The following TTLL11 variants were observed in gnomAD, a reference collection of about 807,000 sequenced individuals.
TTLL11 encodes tubulin tyrosine ligase like 11, also known as tubulin polyglutamylase TTLL11.
TTLL11 carries 42 observed loss-of-function variants against 51.7 expected under a neutral mutation model. The ratio of observed to expected loss-of-function variants is 0.81; its 90% CI spans 0.64 to 1.05. The LOEUF is 1.05. Ranked by LOEUF, TTLL11 falls within the 50% of genes least tolerant of loss-of-function variation. TTLL11 has a pLI of 0.00. For synonymous variants in TTLL11, 381 were observed against 383.5 expected (o/e 0.99, Z 0.08); for missense variants, 799 against 940.4 (o/e 0.85, Z 1.97).
intron 1 of TTLL11, among the ~76,000 whole-genome samples, chr9:122,053,678 T>C (rs775009420): frequency 6.6e-6 from 1 of 152,004 alleles, no homozygotes; most frequent in Non-Finnish European, 1.5e-5. Flanking sequence ...GAAAAAAGTA[T>C]GCGCAGGGAG....
At chr9:121,939,921 A>C (rs1012552105) in intron 6 of TTLL11, among the ~76,000 whole-genome samples, 1 of 152,152 alleles carries the variant, frequency 6.6e-6, no homozygotes, top group Non-Finnish European at 1.5e-5. Context: ...CAGAAGGCAG[A>C]GGGGAGCAGG....
chr9:121,989,256 T>C lies in TTLL11; in HGVS notation c.1208A>G (p.Glu403Gly), dbSNP rs139419713. 1 of 1,614,120 alleles carries C rather than the reference T, an allele frequency of 6.2e-7. No homozygotes were observed. The highest frequency in any genetic ancestry group is 2.2e-5 in the East Asian group (1 of 44,878). The change falls in exon 4 of 9, where the codon GAG (glutamate) becomes GGG (glycine). Residue 403 changes from glutamate (E) to glycine (G), a missense_variant. This residue lies in a region of TTLL11 where 468 missense variants were observed against 612.8 expected (regional missense o/e 0.76). Transcript: ENST00000321582. The surrounding 1 kb of genome is among the most constrained non-coding windows in gnomAD (Gnocchi z 4.2). ...VIKTVIALTP[E>G]LKVFYQSDIP... ...GTCTGACTGGTAGAAGACTTTGAGC[T>C]CTGGAGTCAGCGCGATGACCGTCTT...
In TTLL11 at chr9:121,974,883, C is replaced by T. The variant is rs773856554; in HGVS notation, c.1365+1G>A. Reference sequence around the variant, plus strand: ...GTCAATGAGATGCTCAAAATACTTACTTCGTGCTCATGTTCGATTCTCATA... The same window carrying T: ...GTCAATGAGATGCTCAAAATACTTATTTCGTGCTCATGTTCGATTCTCATA... On this transcript the variant is annotated splice_donor_variant, in intron 5 of 8. Transcript: ENST00000321582. LOFTEE classifies it high-confidence loss of function. 3 of 1,541,110 alleles carry T rather than the reference C, an allele frequency of 1.9e-6. No homozygotes were observed. In the East Asian group the frequency reaches 7.4e-5, roughly 38 times the overall value.
intron 6 of TTLL11, among the ~76,000 whole-genome samples, chr9:121,927,318 A>G (rs1276411776): frequency 1.3e-5 from 2 of 152,256 alleles, no homozygotes; most frequent in Admixed American, 1.3e-4. Flanking sequence ...AGATAGATGG[A>G]TAGAGAAGTA....
intron 6 of TTLL11, among the ~76,000 whole-genome samples, chr9:121,910,057 A>G (rs73664716): frequency 0.025 from 3,825 of 152,312 alleles, 167 homozygotes; most frequent in African/African-American, 0.084. Flanking sequence ...GGCAGAAATT[A>G]TAATTTCAAA....
Position 121,822,404 on chromosome 9 carries a change from A to T in TTLL11, c.*183T>A. ...GTATCACCAGGAGGTGTGAGGAGGA[A>T]GGCAGGTGAGAACCAGCCAGCCTGG... On this transcript the variant is annotated 3_prime_UTR_variant, in exon 9 of 9. Coordinates refer to ENST00000321582, the MANE Select transcript of TTLL11 (RefSeq NM_001139442.2). This position sits in a 1 kb window ranked among gnomAD's most constrained non-coding sequence, Gnocchi z 5.8. 1 of 486,416 alleles carries T rather than the reference A, an allele frequency of 2.1e-6. No homozygotes were observed. The highest frequency in any genetic ancestry group is 3.6e-6 in the Non-Finnish European group (1 of 280,474). The allele number at this position is 486,416 out of a possible 1,614,324, so 30.1% of individuals were successfully genotyped here.
At position 121,821,474 on chromosome 9, in the gene TTLL11, A is replaced by G. The variant is rs1321850809; in HGVS notation, c.*1113T>C. Among the ~76,000 whole-genome samples, 1 of 151,902 alleles carries G rather than the reference A, an allele frequency of 6.6e-6. No homozygotes were observed. The highest frequency in any genetic ancestry group is 2.4e-5 in the African/African-American group (1 of 41,338). On this transcript the variant is annotated 3_prime_UTR_variant, in exon 9 of 9. Coordinates refer to ENST00000321582, the MANE Select transcript of TTLL11 (RefSeq NM_001139442.2). This position sits in a 1 kb window ranked among gnomAD's most constrained non-coding sequence, Gnocchi z 5.0. Reference sequence around the variant, plus strand: ...AAGGGCCACATTAACCCCAAATCCAACCACACTCTGGAGAGCTTGGCTTTG... The same window carrying G: ...AAGGGCCACATTAACCCCAAATCCAGCCACACTCTGGAGAGCTTGGCTTTG...
Position 121,822,644 on chromosome 9 carries a change from G to C in TTLL11, c.2076C>G (p.Pro692=). Reference sequence around the variant, plus strand: ...TATTGGCACAGCTGGTGCGGGGTGGGGGGTTGTCCCCTGCTGGCTGGGCCG... The same window carrying C: ...TATTGGCACAGCTGGTGCGGGGTGGCGGGTTGTCCCCTGCTGGCTGGGCCG... ...SPSAQPAGDN[P]PPRTSCANKL... is the part of the protein sequence containing the mutation. Residue 692 remains proline (P), a synonymous_variant, in exon 9 of 9, where the codon CCC becomes CCG. Coordinates refer to ENST00000321582, the MANE Select transcript of TTLL11 (RefSeq NM_001139442.2). The surrounding 1 kb of genome is among the most constrained non-coding windows in gnomAD (Gnocchi z 5.8). 6.6e-7 allele frequency: 1 copy of C among 1,517,772 alleles called. No homozygotes were observed. The highest frequency in any genetic ancestry group is 8.8e-7 in the Non-Finnish European group (1 of 1,131,690). The allele number at this position is 1,517,772 out of a possible 1,614,324, so 94.0% of individuals were successfully genotyped here. A position where few individuals can be genotyped will look rare whatever the true frequency, so the allele number is the denominator to read the frequency against.
At chr9:122,073,800 C>T (rs368461838) in intron 1 of TTLL11, among the ~76,000 whole-genome samples, 44 of 152,342 alleles carry the variant, frequency 2.9e-4, no homozygotes, top group African/African-American at 1.0e-3. Context: ...CTCATTCACA[C>T]AAGCCTTTCT....
intron 1 of TTLL11, among the ~76,000 whole-genome samples, chr9:122,087,441 G>T (rs1216794123): frequency 6.6e-6 from 1 of 152,172 alleles, no homozygotes; most frequent in East Asian, 1.9e-4. Flanking sequence ...AATATAGTAA[G>T]TGTATACTTG....
intron 6 of TTLL11, among the ~76,000 whole-genome samples, chr9:121,930,812 T>C (rs960888362): frequency 1.3e-5 from 2 of 152,250 alleles, no homozygotes; most frequent in Non-Finnish European, 2.9e-5. Flanking sequence ...TGTGAGGATA[T>C]GTGTTTTAAT....
intron 3 of TTLL11, among the ~76,000 whole-genome samples, chr9:122,019,726 C>T (rs1483596235): frequency 6.6e-6 from 1 of 152,184 alleles, no homozygotes; most frequent in Non-Finnish European, 1.5e-5. Flanking sequence ...GCTGGGATTA[C>T]AGGCATGATA....
At chr9:121,918,029 A>T (rs1373114251) in intron 6 of TTLL11, among the ~76,000 whole-genome samples, 1 of 151,850 alleles carries the variant, frequency 6.6e-6, no homozygotes, top group African/African-American at 2.4e-5. Context: ...CAGCCCTGTG[A>T]GCCTTGCAAA....
chr9:121,979,675 C>T (rs368241897), intron 4 of TTLL11, among the ~76,000 whole-genome samples: 1 of 152,198 alleles, frequency 6.6e-6, no homozygotes, highest in East Asian at 1.9e-4. Flanking sequence ...CAAACTTGCT[C>T]CTCTAATTCA....
intron 6 of TTLL11, among the ~76,000 whole-genome samples, chr9:121,873,348 CTCTT>C (rs1719582517): frequency 6.6e-6 from 1 of 150,456 alleles, no homozygotes; most frequent in African/African-American, 2.4e-5. Context: ...TGATCCACTG[CTCTT>C]TCTATTTTAC....
chr9:121,899,353 GTA>G lies in TTLL11; in HGVS notation c.1482-28607_1482-28606del, dbSNP rs1554766901. Among the ~76,000 whole-genome samples, 561 of 88,994 alleles carry G rather than the reference GTA, an allele frequency of 6.3e-3. 6 individuals carry two copies. Among genetic ancestry groups the G allele is most frequent in the African/African-American group, 0.017 (468 of 27,660 alleles). The allele number at this position is 88,994 out of a possible 152,430, so 58.4% of individuals were successfully genotyped here. On this transcript the variant is annotated intron_variant, in intron 6 of 8. Coordinates refer to ENST00000321582, the MANE Select transcript of TTLL11 (RefSeq NM_001139442.2). ...CTATTAATTCACTCTGTGTGTGTGTGTATGTGTGTGTGTATATATATATACAT... is the reference window on the plus strand; with the variant it reads ...CTATTAATTCACTCTGTGTGTGTGTGTGTGTGTGTGTATATATATATACAT...
intron 8 of TTLL11, among the ~76,000 whole-genome samples, chr9:121,859,896 G>A (rs781398147): frequency 2.0e-5 from 3 of 152,124 alleles, no homozygotes; most frequent in African/African-American, 7.2e-5. Context: ...CTGAGTTCCC[G>A]GATAGCTTCT....
rs112086742 is a variant in TTLL11, at chr9:122,036,458, G to C, written c.559+2814C>G. Among the ~76,000 whole-genome samples, 56 of 151,728 alleles carry C rather than the reference G, an allele frequency of 3.7e-4. 1 individual carries two copies. The highest frequency in any genetic ancestry group is 1.3e-3 in the African/African-American group (55 of 41,452). ...CATGTCTGATTTAGATACGTCTAAAGAAAGTAGACATATCTAATAATCTAC... is the reference window on the plus strand; with the variant it reads ...CATGTCTGATTTAGATACGTCTAAACAAAGTAGACATATCTAATAATCTAC... On this transcript the variant is annotated intron_variant, in intron 2 of 8. Coordinates refer to ENST00000321582, the MANE Select transcript of TTLL11 (RefSeq NM_001139442.2).
At chr9:122,055,629 T>C (rs1411965043) in intron 1 of TTLL11, among the ~76,000 whole-genome samples, 2 of 152,164 alleles carry the variant, frequency 1.3e-5, no homozygotes, top group East Asian at 1.9e-4. Context: ...GTATTAACCA[T>C]CACAAGGGAA....
Sources: gnomAD v4.1 joint callset for allele counts (sites outside exome capture counted in the v4.1 genomes callset) on GRCh38, gnomAD v4.1.1 for gene constraint, gnomAD v4.1.1 regional missense constraint, Gnocchi (gnomAD v3.1) non-coding constraint, MANE v1.5 for transcripts, NCBI Gene and HGNC (gene_info 2026-07-23, HGNC 2026-07-21) for gene names.